The following IGF2R variants were observed in gnomAD, a reference collection of about 807,000 sequenced individuals.
The protein encoded by IGF2R is insulin like growth factor 2 receptor, also known as cation-independent mannose-6-phosphate receptor.
IGF2R carries 91 observed loss-of-function variants against 270.6 expected under a neutral mutation model. The ratio of observed to expected loss-of-function variants is 0.34; its 90% CI spans 0.28 to 0.40. IGF2R has a LOEUF of 0.40. IGF2R is among the 10% of genes least tolerant of loss of function. IGF2R has a pLI of 1.00. For missense variants in IGF2R, 2,805 were observed against 3,188.3 expected (o/e 0.88, Z 2.90); for synonymous variants, 1,316 against 1,258.9 (o/e 1.05, Z -0.96).
intron 7 of IGF2R, among the ~76,000 whole-genome samples, 187 bp downstream of exon 7, chr6:160,029,842 CAG>C (rs1404612039): frequency 1.3e-5 from 2 of 152,220 alleles, no homozygotes; most frequent in African/African-American, 4.8e-5. Flanking sequence ...GCAGCTCACT[CAG>C]GGAGAGCTGT....
At chr6:160,064,589 A>G (rs1451756091) in intron 28 of IGF2R, 58 bp downstream of exon 28, 2 of 1,579,010 alleles carry the variant, frequency 1.3e-6, no homozygotes, top group Non-Finnish European at 1.7e-6. Context: ...GGCTGCTGGG[A>G]TCATATTAGA....
At position 160,089,929 on chromosome 6, in the gene IGF2R, T is replaced by A; in HGVS notation, c.6481T>A (p.Ser2161Thr). 1 of 1,585,452 alleles carries A rather than the reference T, an allele frequency of 6.3e-7. No individual in the cohort carries two copies. Among genetic ancestry groups the A allele is most frequent in the Non-Finnish European group, 8.6e-7 (1 of 1,166,900 alleles). ...GDIYFKLFRA[S>T]GDMRTNGDNY... ...CTGTCTCTTCAGGCTGTTCAGAGCC[T>A]CTGGGGACATGAGGACCAATGGGGA... Residue 2161 changes from serine (S) to threonine (T), a missense_variant, in exon 44 of 48, where the codon TCT becomes ACT. Ser to Thr is a moderately conservative substitution (Grantham distance 58, BLOSUM62 1). This residue lies in a region of IGF2R where 1,851 missense variants were observed against 2,207.2 expected (regional missense o/e 0.84). Transcript: ENST00000356956.
chr6:159,988,533 A>G (rs1583244260), intron 1 of IGF2R, among the ~76,000 whole-genome samples: 1 of 151,640 alleles, frequency 6.6e-6, no homozygotes, highest in African/African-American at 2.4e-5. Flanking sequence ...AAAAAAAAAA[A>G]AAAGAAAAGC....
At chr6:160,065,814 G>GTGTATATAGATATATATATA in intron 29 of IGF2R, among the ~76,000 whole-genome samples, 2 of 78,392 alleles carry the variant, frequency 2.6e-5, no homozygotes, top group Non-Finnish European at 4.7e-5. Context: ...GTGTGTGTGT[G>GTGTATATAGATATATATATA]TATATATATA....
At chr6:160,074,852 C>G (rs1778820921) in intron 35 of IGF2R, among the ~76,000 whole-genome samples, 1 of 152,176 alleles carries the variant, frequency 6.6e-6, no homozygotes, top group South Asian at 2.1e-4. Context: ...AGCTCCAGCT[C>G]TGTGTGAGAT....
At chr6:160,091,892 T>G (rs1047413190) in intron 44 of IGF2R, among the ~76,000 whole-genome samples, 1 of 152,212 alleles carries the variant, frequency 6.6e-6, no homozygotes, top group African/African-American at 2.4e-5. Flanking sequence ...CAGGGTAGCC[T>G]TGCAAGCTGC....
Position 160,105,296 on chromosome 6 carries a change from C to G in IGF2R, c.*212C>G, listed in dbSNP as rs1242453853. 1 of 542,292 alleles carries G rather than the reference C, an allele frequency of 1.8e-6. No homozygotes were observed. The highest frequency in any genetic ancestry group is 3.2e-6 in the Non-Finnish European group (1 of 308,094). The allele number at this position is 542,292 out of a possible 1,614,324, so 33.6% of individuals were successfully genotyped here. A position where few individuals can be genotyped will look rare whatever the true frequency, so the allele number is the denominator to read the frequency against. On this transcript the variant is annotated 3_prime_UTR_variant, in exon 48 of 48. Transcript: ENST00000356956. ...CATTGGAATAAGGCATGGCTCAGAT[C>G]GGCCACAGGGCGGTACCTTGTGCCC...
At chr6:159,973,868 A>T (rs1365433720) in intron 1 of IGF2R, among the ~76,000 whole-genome samples, 1 of 152,220 alleles carries the variant, frequency 6.6e-6, no homozygotes, top group Non-Finnish European at 1.5e-5. Context: ...AAACTATTGT[A>T]TTGGGGAAAG....
chr6:160,050,453 C>G lies in IGF2R; in HGVS notation c.2515-20C>G. Reference sequence around the variant, plus strand: ...TGTATCTTCAGGGGGAAAAGCCTAACAAGACTGGTTTTCTTGCAGGGCTCC... The same window carrying G: ...TGTATCTTCAGGGGGAAAAGCCTAAGAAGACTGGTTTTCTTGCAGGGCTCC... On this transcript the variant is annotated intron_variant, in intron 18 of 47. Transcript: ENST00000356956. This position sits in a 1 kb window ranked among gnomAD's most constrained non-coding sequence, Gnocchi z 4.0. 6.3e-7 allele frequency: 1 copy of G among 1,598,248 alleles called. No individual in the cohort carries two copies. The highest frequency in any genetic ancestry group is 8.6e-7 in the Non-Finnish European group (1 of 1,167,836).
chr6:160,103,857 GC>G, intron 47 of IGF2R, 42 bp downstream of exon 47: 2 of 1,325,302 alleles, frequency 1.5e-6, no homozygotes, highest in Non-Finnish European at 2.2e-6. Context: ...TGCCTCCCCG[GC>G]CCCCTGTGCT....
Position 160,085,083 on chromosome 6 carries a change from G to A in IGF2R, c.6157G>A (p.Asp2053Asn). The A allele has an allele frequency of 6.2e-7, 1 of 1,614,086 alleles. No homozygotes were observed. The highest frequency in any genetic ancestry group is 8.5e-7 in the Non-Finnish European group (1 of 1,180,006). The change falls in exon 41 of 48, where the codon GAC becomes AAC. Residue 2053 changes from aspartate to asparagine, a missense_variant. Asp to Asn is a conservative substitution (Grantham distance 23). This residue lies in a region of IGF2R where 1,851 missense variants were observed against 2,207.2 expected (regional missense o/e 0.84). Coordinates refer to ENST00000356956, the MANE Select transcript of IGF2R (RefSeq NM_000876.4). ...ASICRRTTTG[D>N]VQVLGLVHTQ... is the part of the protein sequence containing the mutation. ...CATTTGCAGAAGGACCACAACTGGTGACGTCCAGGTCCTGGGACTCGTTCA... is the reference window on the plus strand; with the variant it reads ...CATTTGCAGAAGGACCACAACTGGTAACGTCCAGGTCCTGGGACTCGTTCA...
At position 160,110,411 on chromosome 6, in the gene IGF2R, A is replaced by G. The variant is rs9365132; in HGVS notation, c.*5327A>G. The G allele has an allele frequency of 0.2, 30,592 of 152,270 alleles. 3,435 individuals are homozygous for G. The highest frequency in any genetic ancestry group is 0.4 in the East Asian group (2,060 of 5,184). The allele number at this position is 152,270 out of a possible 1,614,324, so 9.4% of individuals were successfully genotyped here. On this transcript the variant is annotated 3_prime_UTR_variant, in exon 48 of 48. Transcript: ENST00000356956. ...TTGCCTCACACCTGCCAGAATGGCT[A>G]CTGTCAGACGAAAGACAACAAGTGT...
At chr6:160,096,157 T>A (rs543827332) in intron 44 of IGF2R, 1 of 301,006 alleles carries the variant, frequency 3.3e-6, no homozygotes, top group South Asian at 8.7e-5. Flanking sequence ...TCCACGGTTG[T>A]GCCTTATTGT....
chr6:160,102,648 G>C lies in IGF2R; in HGVS notation c.6972G>C (p.Leu2324=), dbSNP rs1583308844. ...LVALTCCLLA[L]LLYKKERRET... ...CGCTCACCTGCTGCCTGCTGGCCCT[G>C]TTGCTCTACAAGAAGGAGAGGAGGT... The change falls in exon 46 of 48, where the codon CTG becomes CTC. Residue 2324 remains leucine, a synonymous_variant. Transcript: ENST00000356956. This position sits in a 1 kb window ranked among gnomAD's most constrained non-coding sequence, Gnocchi z 4.5. 6.2e-7 allele frequency: 1 copy of C among 1,609,586 alleles called. No homozygotes were observed.
At position 160,047,281 on chromosome 6, in the gene IGF2R, C is replaced by T. The variant is rs549860218; in HGVS notation, c.2174C>T (p.Thr725Met). 23 of 1,612,196 alleles carry T rather than the reference C, an allele frequency of 1.4e-5. No homozygotes were observed. Among genetic ancestry groups the T allele is most frequent in the East Asian group, 6.7e-5 (3 of 44,876 alleles). The change falls in exon 16 of 48, where the codon ACG (threonine) becomes ATG (methionine). Residue 725 changes from threonine to methionine, a missense_variant. Coordinates refer to ENST00000356956, the MANE Select transcript of IGF2R (RefSeq NM_000876.4). Reference sequence around the variant, plus strand: ...AATGAAAGACACACACCGAGAGCTACGCTCATCACCTTTCTCTGTGATCGA... The same window carrying T: ...AATGAAAGACACACACCGAGAGCTATGCTCATCACCTTTCTCTGTGATCGA... ...YNNERHTPRA[T>M]LITFLCDRDA...
At chr6:160,003,177 A>T (rs2115193707) in intron 2 of IGF2R, 1 of 152,358 alleles carries the variant, frequency 6.6e-6, no homozygotes, top group Middle Eastern at 3.4e-3. Context: ...GTATGCACTC[A>T]CAGAAATCTA....
At chr6:159,986,837 T>C (rs1407721108) in intron 1 of IGF2R, among the ~76,000 whole-genome samples, 1 of 152,156 alleles carries the variant, frequency 6.6e-6, no homozygotes, top group Non-Finnish European at 1.5e-5. Context: ...GAATCTCAGC[T>C]GAATGGTTTC....
At chr6:160,079,356 C>T (rs1322348063) in intron 37 of IGF2R, among the ~76,000 whole-genome samples, 2 of 152,200 alleles carry the variant, frequency 1.3e-5, no homozygotes, top group Non-Finnish European at 2.9e-5. Context: ...GCCGAGGCCC[C>T]CAGCAGGGAG....
chr6:160,036,407 C>T (rs1777825644), intron 10 of IGF2R, among the ~76,000 whole-genome samples: 1 of 152,174 alleles, frequency 6.6e-6, no homozygotes, highest in Non-Finnish European at 1.5e-5. Flanking sequence ...CCCAGCCCCT[C>T]TGATGCCTGA....
Sources: allele counts gnomAD v4.1 joint callset (sites outside exome capture counted in the v4.1 genomes callset), GRCh38; gene constraint gnomAD v4.1.1; regional missense constraint gnomAD v4.1.1; non-coding constraint Gnocchi (gnomAD v3.1); transcripts MANE v1.5; gene names NCBI Gene and HGNC (gene_info 2026-07-23, HGNC 2026-07-21).